TENM3: variants seen among roughly 807,000 people sequenced by gnomAD.
TENM3 encodes the protein teneurin transmembrane protein 3, also known as teneurin-3.
In TENM3, 63 loss-of-function variants were observed where a neutral mutation model predicts 255.1. The ratio of observed to expected loss-of-function variants is 0.25; its 90% CI spans 0.20 to 0.30. The LOEUF is 0.30. Ranked by LOEUF, TENM3 falls within the 10% of genes least tolerant of loss-of-function variation. The pLI is 1.00. For missense variants in TENM3, 2,929 were observed against 3,461.1 expected (o/e 0.85, Z 3.86); for synonymous variants, 1,306 against 1,322.3 (o/e 0.99, Z 0.27).
At chr4:181,717,269 G>GT in the TENM3 span, among the ~76,000 whole-genome samples, 1 of 152,296 alleles carries the variant, frequency 6.6e-6, no homozygotes, top group Admixed American at 6.5e-5. Context: ...TGTAATAGGA[G>GT]TTCTGTCTTT....
At chr4:182,363,999 C>G (rs1441957347) in intron 3 of TENM3, among the ~76,000 whole-genome samples, 1 of 151,966 alleles carries the variant, frequency 6.6e-6, no homozygotes, top group African/African-American at 2.4e-5. Context: ...GACTGGAGTA[C>G]CATTGTATAG....
At chr4:181,716,285 TATTA>T in the TENM3 span, among the ~76,000 whole-genome samples, 2 of 152,214 alleles carry the variant, frequency 1.3e-5, no homozygotes, top group East Asian at 1.9e-4. Context: ...TTATATTGTC[TATTA>T]ATTAAATTAA....
intron 3 of TENM3, among the ~76,000 whole-genome samples, chr4:182,438,920 A>G (rs555639090): frequency 6.6e-6 from 1 of 152,230 alleles, no homozygotes; most frequent in Non-Finnish European, 1.5e-5. Flanking sequence ...ACATATTTTT[A>G]CAGTGGTTTC....
chr4:182,133,052 G>A, the TENM3 span, among the ~76,000 whole-genome samples: 1 of 152,168 alleles, frequency 6.6e-6, no homozygotes, highest in Non-Finnish European at 1.5e-5. Context: ...AAAATAGGAT[G>A]CAGACCAGGT....
rs536134497 is a variant in TENM3 at position 182,356,506 on chromosome 4, A to T, written c.511+9577A>T. The stretch of plus-strand genomic sequence containing the variant: ...GCGTGGCTGAGGGATCCAGGGATGG[A>T]GGTACTTGCATAATTGGAGGACATT... On this transcript the variant is annotated intron_variant, in intron 3 of 27. Coordinates refer to ENST00000511685, the MANE Select transcript of TENM3 (RefSeq NM_001080477.4). Among the ~76,000 whole-genome samples, 3 of 152,172 alleles carry T rather than the reference A, an allele frequency of 2.0e-5. No individual in the cohort carries two copies. In the South Asian group the frequency reaches 6.2e-4, roughly 32 times the overall value.
the TENM3 span, among the ~76,000 whole-genome samples, chr4:182,135,618 A>G: frequency 6.6e-6 from 1 of 152,238 alleles, no homozygotes; most frequent in Non-Finnish European, 1.5e-5. Flanking sequence ...TCCATTTCAA[A>G]TGGGTGTAAC....
At chr4:182,097,230 A>C in the TENM3 span, among the ~76,000 whole-genome samples, 1 of 152,092 alleles carries the variant, frequency 6.6e-6, no homozygotes, top group Non-Finnish European at 1.5e-5. Flanking sequence ...AAATAGCTTA[A>C]AACTAATAAA....
the TENM3 span, among the ~76,000 whole-genome samples, chr4:181,914,582 T>G: frequency 6.6e-6 from 1 of 152,214 alleles, no homozygotes; most frequent in South Asian, 2.1e-4. Flanking sequence ...TCACTGCTTT[T>G]GAATGAATGA....
At chr4:182,195,320 T>C (rs1753776493) in intron 1 of TENM3, among the ~76,000 whole-genome samples, 1 of 152,040 alleles carries the variant, frequency 6.6e-6, no homozygotes, top group African/African-American at 2.4e-5. Context: ...TGAGGGAGAA[T>C]ATTTTAACGT....
At chr4:181,619,555 G>T in the TENM3 span, among the ~76,000 whole-genome samples, 9 of 151,858 alleles carry the variant, frequency 5.9e-5, no homozygotes, top group Admixed American at 2.6e-4. Context: ...CTGTGTAGCT[G>T]GGACCATAGG....
At chr4:182,241,047 C>T (rs993807946), upstream of TENM3, among the ~76,000 whole-genome samples, 2 of 152,136 alleles carry the variant, frequency 1.3e-5, no homozygotes, top group Non-Finnish European at 2.9e-5. Context: ...CTTTTGTCAT[C>T]GGGCTTGAAG....
the TENM3 span, among the ~76,000 whole-genome samples, chr4:181,595,268 T>G: frequency 4.7e-3 from 717 of 151,832 alleles, 10 homozygotes; most frequent in African/African-American, 0.016. Context: ...CCATCTGTAC[T>G]AAAAATACCA....
At chr4:182,016,064 C>A in the TENM3 span, among the ~76,000 whole-genome samples, 1 of 152,088 alleles carries the variant, frequency 6.6e-6, no homozygotes, top group East Asian at 1.9e-4. Flanking sequence ...AATGCCTGAG[C>A]GGTTAAAGAT....
At chr4:182,044,306 T>C in the TENM3 span, among the ~76,000 whole-genome samples, 1 of 152,184 alleles carries the variant, frequency 6.6e-6, no homozygotes, top group Admixed American at 6.5e-5. Context: ...CTTCAAACTA[T>C]ATGATTTAGG....
At chr4:181,831,208 T>C in the TENM3 span, among the ~76,000 whole-genome samples, 1 of 152,150 alleles carries the variant, frequency 6.6e-6, no homozygotes, top group Non-Finnish European at 1.5e-5. Context: ...CCACAAATAT[T>C]AAGATTTTAT....
chr4:181,967,235 A>G, the TENM3 span, among the ~76,000 whole-genome samples: 3 of 152,286 alleles, frequency 2.0e-5, no homozygotes, highest in Admixed American at 2.0e-4. Context: ...TTTTGAAGAC[A>G]GGAGAATGAG....
At chr4:181,608,851 C>G in the TENM3 span, among the ~76,000 whole-genome samples, 1 of 152,100 alleles carries the variant, frequency 6.6e-6, no homozygotes, top group African/African-American at 2.4e-5. Context: ...AGCATCTCTT[C>G]AAAAAGCATG....
the TENM3 span, among the ~76,000 whole-genome samples, chr4:181,953,619 G>A: frequency 6.6e-6 from 1 of 152,006 alleles, no homozygotes; most frequent in Non-Finnish European, 1.5e-5. Context: ...AGGCGAGGTT[G>A]CAGTGAGCCA....
chr4:182,372,766 T>C (rs1288512809), intron 3 of TENM3, among the ~76,000 whole-genome samples: 2 of 152,252 alleles, frequency 1.3e-5, no homozygotes, highest in African/African-American at 4.8e-5. Context: ...TCTCGCTCTG[T>C]CACTCAAGCT....
Sources: allele counts gnomAD v4.1 joint callset (sites outside exome capture counted in the v4.1 genomes callset), GRCh38; gene constraint gnomAD v4.1.1; transcripts MANE v1.5; gene names NCBI Gene and HGNC (gene_info 2026-07-23, HGNC 2026-07-21).